FGF12: variants seen among roughly 807,000 people sequenced by gnomAD.
FGF12 encodes fibroblast growth factor 12, also known as fibroblast growth factor 12B.
In FGF12, 14 loss-of-function variants were observed where a neutral mutation model predicts 23.6. That is an observed-to-expected ratio of 0.59 (90% CI 0.39 to 0.93). The LOEUF is 0.93. Among genes scored for constraint, FGF12 ranks in the 40% least tolerant of loss-of-function variants. The pLI is 0.00. For synonymous variants in FGF12, 62 were observed against 77.3 expected (o/e 0.80, Z 1.04); for missense variants, 175 against 217.8 (o/e 0.80, Z 1.24).
intron 2 of FGF12, among the ~76,000 whole-genome samples, chr3:192,499,719 G>T (rs1225622891): frequency 2.0e-5 from 3 of 150,038 alleles, no homozygotes; most frequent in African/African-American, 7.4e-5. Context: ...TTTTAGTAGA[G>T]ATGGAGTTTC....
chr3:192,455,557 T>C (rs1489895382), intron 2 of FGF12, among the ~76,000 whole-genome samples: 1 of 152,234 alleles, frequency 6.6e-6, no homozygotes, highest in Non-Finnish European at 1.5e-5. Flanking sequence ...CACAGTTTAT[T>C]GTGTTTATGG....
chr3:192,652,858 C>T (rs1716264005), intron 2 of FGF12, among the ~76,000 whole-genome samples: 1 of 152,144 alleles, frequency 6.6e-6, no homozygotes, highest in Non-Finnish European at 1.5e-5. Flanking sequence ...ACTTTGTATG[C>T]TCATGTAAGA....
Position 192,335,389 on chromosome 3 carries a change from A to G in FGF12, c.200T>C (p.Met67Thr). The part of the protein sequence containing the change: ...QGVKASLYVA[M>T]NGEGYLYSSD... ...ACTGTAGAGATAGCCTTCACCATTC[A>G]TGGCCACATAGAGGCTAGCCTTCAC... is the stretch of plus-strand genomic sequence containing the variant. The change falls in exon 4 of 6, where the codon ATG becomes ACG. Residue 67 changes from methionine to threonine, a missense_variant. Physicochemically the swap from Met to Thr is moderately conservative, Grantham distance 81 (BLOSUM62 -1). Transcript: ENST00000445105. 6.2e-7 allele frequency: 1 copy of G among 1,613,016 alleles called. No homozygotes were observed. The highest frequency in any genetic ancestry group is 8.5e-7 in the Non-Finnish European group (1 of 1,179,194).
chr3:192,264,578 C>T lies in FGF12; in HGVS notation c.228+70783G>A, dbSNP rs952173837. Among the ~76,000 whole-genome samples the T allele has an allele frequency of 3.3e-5, 5 of 151,836 alleles. No individual in the cohort carries two copies. The South Asian group carries it at 6.3e-4, about 19-fold the overall frequency. On this transcript the variant is annotated intron_variant, in intron 4 of 5. Coordinates refer to ENST00000445105, the MANE Select transcript of FGF12 (RefSeq NM_004113.6). ...TTTCTTATTTAGTCCTCTATTCAACCTAAGGAAGTAGCTATTATTACCCCC... is the reference window on the plus strand; with the variant it reads ...TTTCTTATTTAGTCCTCTATTCAACTTAAGGAAGTAGCTATTATTACCCCC...
chr3:192,435,933 A>C (rs1335771469), intron 2 of FGF12, among the ~76,000 whole-genome samples: 1 of 152,218 alleles, frequency 6.6e-6, no homozygotes, highest in Non-Finnish European at 1.5e-5. Context: ...TTTAAAAAGA[A>C]TATTTATTTT....
At chr3:192,542,695 T>C (rs571683169) in intron 2 of FGF12, among the ~76,000 whole-genome samples, 2 of 152,190 alleles carry the variant, frequency 1.3e-5, no homozygotes, top group East Asian at 1.9e-4. Flanking sequence ...TCTAAGTTTC[T>C]GGTCACTGCA....
At chr3:192,364,433 G>T (rs1022304971) in intron 2 of FGF12, among the ~76,000 whole-genome samples, 1 of 152,138 alleles carries the variant, frequency 6.6e-6, no homozygotes, top group Non-Finnish European at 1.5e-5. Flanking sequence ...GCTCTAAAGT[G>T]GTGTGGCAAA....
At chr3:192,727,389 A>G (rs2108751286) in intron 1 of FGF12, 66 bp from the exon 2 acceptor site, 1 of 1,489,728 alleles carries the variant, frequency 6.7e-7, no homozygotes, top group East Asian at 2.5e-5. Flanking sequence ...TAGGAGCAGC[A>G]GCAGATTGCC....
intron 4 of FGF12, among the ~76,000 whole-genome samples, chr3:192,322,707 A>C (rs1035388927): frequency 6.6e-6 from 1 of 152,142 alleles, no homozygotes; most frequent in Admixed American, 6.5e-5. Flanking sequence ...ACCTCTACAG[A>C]GAACTCATTT....
At chr3:192,486,781 G>C (rs1723647871) in intron 2 of FGF12, among the ~76,000 whole-genome samples, 1 of 152,092 alleles carries the variant, frequency 6.6e-6, no homozygotes, top group Admixed American at 6.6e-5. Context: ...CAGTGGGTAA[G>C]ATGGCTAGAT....
chr3:192,443,664 T>C (rs1048499968), intron 2 of FGF12, among the ~76,000 whole-genome samples: 1 of 152,202 alleles, frequency 6.6e-6, no homozygotes, highest in African/African-American at 2.4e-5. Context: ...CAATATACCT[T>C]ATAAGTTATG....
At chr3:192,324,113 T>A (rs1056882867) in intron 4 of FGF12, among the ~76,000 whole-genome samples, 1 of 151,808 alleles carries the variant, frequency 6.6e-6, no homozygotes, top group Admixed American at 6.6e-5. Flanking sequence ...AATTAATTAA[T>A]TAAATAAAAT....
At chr3:192,504,584 G>A (rs1242064507) in intron 2 of FGF12, among the ~76,000 whole-genome samples, 1 of 152,188 alleles carries the variant, frequency 6.6e-6, no homozygotes, top group Non-Finnish European at 1.5e-5. Context: ...CACGTGAAGT[G>A]TAGCCTGTTG....
At chr3:192,399,181 A>G (rs767726146) in intron 2 of FGF12, among the ~76,000 whole-genome samples, 14 of 151,936 alleles carry the variant, frequency 9.2e-5, no homozygotes, top group Non-Finnish European at 2.1e-4. Flanking sequence ...CCCCTGCCCA[A>G]TGTTGAAATC....
At chr3:192,720,507 C>T (rs934653365) in intron 2 of FGF12, among the ~76,000 whole-genome samples, 2 of 152,120 alleles carry the variant, frequency 1.3e-5, no homozygotes, top group Admixed American at 6.5e-5. Context: ...TGACATAGAT[C>T]CTTAAAAAAT....
intron 2 of FGF12, among the ~76,000 whole-genome samples, chr3:192,522,313 T>G (rs1724841501): frequency 6.6e-6 from 1 of 151,800 alleles, no homozygotes; most frequent in Non-Finnish European, 1.5e-5. Context: ...GAATTTAGAG[T>G]GAGGATATGA....
chr3:192,204,430 C>T (rs1309257634), intron 4 of FGF12, among the ~76,000 whole-genome samples: 2 of 152,170 alleles, frequency 1.3e-5, no homozygotes, highest in Non-Finnish European at 2.9e-5. Context: ...TTAGTGTCTA[C>T]TATATTAGAG....
At chr3:192,675,186 G>A (rs1007999432) in intron 2 of FGF12, among the ~76,000 whole-genome samples, 13 of 152,082 alleles carry the variant, frequency 8.5e-5, no homozygotes, top group African/African-American at 3.1e-4. Flanking sequence ...GCTAGACCTG[G>A]ATGGTCCCAG....
chr3:192,491,803 C>T (rs1310496508), intron 2 of FGF12, among the ~76,000 whole-genome samples: 1 of 152,062 alleles, frequency 6.6e-6, no homozygotes, highest in African/African-American at 2.4e-5. Flanking sequence ...AGTAAAATAA[C>T]AAGGCTTCTT....
Sources: allele counts gnomAD v4.1 joint callset (sites outside exome capture counted in the v4.1 genomes callset), GRCh38; gene constraint gnomAD v4.1.1; transcripts MANE v1.5; gene names NCBI Gene and HGNC (gene_info 2026-07-23, HGNC 2026-07-21).